The following FMNL2 variants were observed in gnomAD, a reference collection of about 807,000 sequenced individuals.
The protein encoded by FMNL2 is formin-like protein 2.
In FMNL2, 51 loss-of-function variants were observed where a neutral mutation model predicts 130.2. That is an observed-to-expected ratio of 0.39 (90% CI 0.31 to 0.49). The LOEUF is 0.49. FMNL2 is among the 20% of genes least tolerant of loss of function. The pLI, the probability that FMNL2 is intolerant of heterozygous loss-of-function variation, is 0.85. For missense variants in FMNL2, 977 were observed against 1,316.2 expected, an observed-to-expected ratio of 0.74 and a Z score of 3.99; for synonymous variants, 465 against 467.1, an observed-to-expected ratio of 1.00 and a Z score of 0.06.
At chr2:152,492,656 A>G (rs1299282134) in intron 1 of FMNL2, among the ~76,000 whole-genome samples, 2 of 152,134 alleles carry the variant, frequency 1.3e-5, no homozygotes, top group African/African-American at 4.8e-5. Flanking sequence ...ATTAGTTTTG[A>G]TTCAAACAAA....
At chr2:152,619,882 G>C (rs539675287) in intron 15 of FMNL2, among the ~76,000 whole-genome samples, 164 bp downstream of exon 15, 1 of 151,814 alleles carries the variant, frequency 6.6e-6, no homozygotes, top group Non-Finnish European at 1.5e-5. Flanking sequence ...ACATCATCAC[G>C]CATGGGAGGC....
At chr2:152,376,109 G>A (rs1033487753) in intron 1 of FMNL2, among the ~76,000 whole-genome samples, 3 of 151,862 alleles carry the variant, frequency 2.0e-5, no homozygotes, top group Non-Finnish European at 4.4e-5. Flanking sequence ...GGCCAGGCTG[G>A]CCTTGAACTC....
At chr2:152,595,016 G>C (rs1193773898) in intron 9 of FMNL2, among the ~76,000 whole-genome samples, 1 of 152,176 alleles carries the variant, frequency 6.6e-6, no homozygotes, top group African/African-American at 2.4e-5. Flanking sequence ...GAAATGGCCA[G>C]TCATGGTAAC....
chr2:152,544,577 G>A (rs72868221), intron 3 of FMNL2, among the ~76,000 whole-genome samples: 4,638 of 152,228 alleles, frequency 0.03, 116 homozygotes, highest in Middle Eastern at 0.048. Flanking sequence ...CTTCAGGCTA[G>A]ATGGCTCAGA....
At chr2:152,533,952 T>C (rs983955761) in intron 2 of FMNL2, among the ~76,000 whole-genome samples, 31 of 152,186 alleles carry the variant, frequency 2.0e-4, no homozygotes, top group Non-Finnish European at 1.5e-5. Flanking sequence ...ACTTCATTTA[T>C]GCCTTTGTAG....
intron 1 of FMNL2, among the ~76,000 whole-genome samples, chr2:152,378,195 A>G (rs1449594611): frequency 6.6e-6 from 1 of 151,860 alleles, no homozygotes; most frequent in African/African-American, 2.4e-5. Flanking sequence ...CCAGACCTCT[A>G]CCAAGTCATA....
At chr2:152,643,163 G>A (rs190412956) in intron 25 of FMNL2, among the ~76,000 whole-genome samples, 2 of 152,288 alleles carry the variant, frequency 1.3e-5, no homozygotes, top group African/African-American at 4.8e-5. Context: ...AGAGGGGAAT[G>A]AGTATCTGTT....
intron 1 of FMNL2, among the ~76,000 whole-genome samples, chr2:152,363,429 CT>C (rs1448824730): frequency 6.6e-6 from 1 of 152,154 alleles, no homozygotes; most frequent in African/African-American, 2.4e-5. Flanking sequence ...CCTTTGGGGA[CT>C]TTTACTAAGA....
Position 152,618,870 on chromosome 2 carries a change from C to G in FMNL2, c.1339C>G (p.Gln447Glu). 6.2e-7 allele frequency: 1 copy of G among 1,604,092 alleles called. No individual in the cohort carries two copies. The stretch of plus-strand genomic sequence containing the variant: ...GGAAATCTACAAAGATGCAAATACT[C>G]AAGTTCACACATTAAGAAAAATGGT... ...VREIYKDANT[Q>E]VHTLRKMVKE... is the part of the protein sequence containing the mutation. The change falls in exon 14 of 26, where the codon CAA (glutamine) becomes GAA (glutamate). Residue 447 changes from glutamine (Q) to glutamate (E), a missense_variant. Around this residue, in one of 4 missense-constraint regions of FMNL2, gnomAD observed 689 missense variants for 995.9 expected, o/e 0.69. Transcript: ENST00000288670.
intron 1 of FMNL2, among the ~76,000 whole-genome samples, chr2:152,463,342 C>T (rs1689353211): frequency 6.6e-6 from 1 of 152,128 alleles, no homozygotes; most frequent in South Asian, 2.1e-4. Flanking sequence ...GGGCCTATTA[C>T]CCTTCTCTTG....
At chr2:152,492,587 G>A (rs910529093) in intron 1 of FMNL2, among the ~76,000 whole-genome samples, 9 of 152,124 alleles carry the variant, frequency 5.9e-5, no homozygotes, top group South Asian at 2.1e-4. Context: ...CAAGTACAGC[G>A]TGGAACCAGA....
intron 9 of FMNL2, among the ~76,000 whole-genome samples, chr2:152,599,403 A>ATAT (rs1407347624): frequency 3.5e-5 from 2 of 57,456 alleles, no homozygotes; most frequent in Admixed American, 1.8e-4. Flanking sequence ...ATTGAAGGTC[A>ATAT]TCTTTTTTTT....
chr2:152,567,939 A>G (rs1695947125), intron 6 of FMNL2, among the ~76,000 whole-genome samples: 2 of 152,148 alleles, frequency 1.3e-5, no homozygotes, highest in Admixed American at 1.3e-4. Flanking sequence ...GAATCTCACA[A>G]ATGTTGGCAT....
In FMNL2 at chr2:152,441,218, CTT is replaced by C. The variant is rs552051662; in HGVS notation, c.118-80723_118-80722del. ...TTTAGGAAGTTAAACAGCTACACATCTTTATAAATATTTTTGAGTTTTATGAT... is the reference window on the plus strand; with the variant it reads ...TTTAGGAAGTTAAACAGCTACACATCTATAAATATTTTTGAGTTTTATGAT... On this transcript the variant is annotated intron_variant, in intron 1 of 25. Coordinates refer to ENST00000288670, the MANE Select transcript of FMNL2 (RefSeq NM_052905.4). Among the ~76,000 whole-genome samples, 11 of 152,256 alleles carry C rather than the reference CTT, an allele frequency of 7.2e-5. No homozygotes were observed. In the East Asian group the frequency reaches 2.1e-3, roughly 29 times the overall value.
At chr2:152,601,272 TG>T (rs1250335226) in intron 9 of FMNL2, among the ~76,000 whole-genome samples, 1 of 151,252 alleles carries the variant, frequency 6.6e-6, no homozygotes, top group Non-Finnish European at 1.5e-5. Flanking sequence ...TCTGTAACCC[TG>T]ATGGCTTTCT....
intron 1 of FMNL2, among the ~76,000 whole-genome samples, chr2:152,406,383 T>G (rs1370323302): frequency 4.5e-5 from 6 of 132,268 alleles, no homozygotes; most frequent in Non-Finnish European, 8.0e-5. Context: ...ACAATTGGTG[T>G]TAACAGTAGA....
chr2:152,379,648 C>T (rs1377281996), intron 1 of FMNL2, among the ~76,000 whole-genome samples: 1 of 152,102 alleles, frequency 6.6e-6, no homozygotes, highest in Non-Finnish European at 1.5e-5. Flanking sequence ...AGCTGCTCAA[C>T]ATGAAGAAGG....
intron 9 of FMNL2, among the ~76,000 whole-genome samples, chr2:152,594,873 A>G (rs1233543054): frequency 6.6e-6 from 1 of 152,210 alleles, no homozygotes; most frequent in Non-Finnish European, 1.5e-5. Context: ...CAATTGACTG[A>G]AACACACTCA....
intron 21 of FMNL2, among the ~76,000 whole-genome samples, chr2:152,633,988 T>C (rs965912573): frequency 6.6e-6 from 1 of 152,204 alleles, no homozygotes; most frequent in East Asian, 1.9e-4. Flanking sequence ...GTGCCCTCCA[T>C]GTACTTGGCA....
Sources: gnomAD v4.1 joint callset for allele counts (sites outside exome capture counted in the v4.1 genomes callset) on GRCh38, gnomAD v4.1.1 for gene constraint, gnomAD v4.1.1 regional missense constraint, MANE v1.5 for transcripts, NCBI Gene and HGNC (gene_info 2026-07-23, HGNC 2026-07-21) for gene names.